ITGB3: variants seen among roughly 807,000 people sequenced by gnomAD.
The protein encoded by ITGB3 is integrin beta-3.
ITGB3 carries 48 observed loss-of-function variants against 85.8 expected under a neutral mutation model. That is an observed-to-expected ratio of 0.56 (90% CI 0.44 to 0.71). ITGB3 has a LOEUF of 0.71. ITGB3 is among the 30% of genes least tolerant of loss of function. The pLI is 0.00. For missense variants in ITGB3, 861 were observed against 1,019.1 expected, an observed-to-expected ratio of 0.84 and a Z score of 2.11; for synonymous variants, 363 against 395.6, an observed-to-expected ratio of 0.92 and a Z score of 0.98.
At position 47,310,105 on chromosome 17, in the gene ITGB3, G is replaced by C. The variant is rs140065193; in HGVS notation, c.2302-34G>C. The C allele has an allele frequency of 6.0e-5, 96 of 1,594,968 alleles. No individual in the cohort carries two copies. In the East Asian group the frequency reaches 2.1e-3, roughly 35 times the overall value. ...TCAGGGTAGGGAAGGACTTAAGGAA[G>C]TCACTGTAAGATGCTATTCTGTTTC... On this transcript the variant is annotated intron_variant, in intron 14 of 14. Transcript: ENST00000559488.
chr17:47,284,972 G>A (rs892542663), intron 4 of ITGB3, among the ~76,000 whole-genome samples: 3 of 152,094 alleles, frequency 2.0e-5, no homozygotes, highest in Non-Finnish European at 2.9e-5. Context: ...AGAATGGGAG[G>A]GAAATGACGT....
At chr17:47,273,997 G>A (rs1398649593) in intron 1 of ITGB3, among the ~76,000 whole-genome samples, 1 of 152,192 alleles carries the variant, frequency 6.6e-6, no homozygotes, top group African/African-American at 2.4e-5. Context: ...TCTGGGCCTT[G>A]GATCCCCTGT....
intron 2 of ITGB3, among the ~76,000 whole-genome samples, chr17:47,277,030 G>C (rs982844005): frequency 6.6e-6 from 1 of 152,104 alleles, no homozygotes; most frequent in South Asian, 2.1e-4. Flanking sequence ...TGTATAGTGA[G>C]AGCTTGGCTG....
chr17:47,299,445 G>T lies in ITGB3; in HGVS notation c.1828G>T (p.Gly610Cys). The change falls in exon 11 of 15, where the codon GGC (glycine) becomes TGC (cysteine). Residue 610 changes from glycine to cysteine, a missense_variant. By Grantham distance (159) the Gly-to-Cys change is radical. Coordinates refer to ENST00000559488, the MANE Select transcript of ITGB3 (RefSeq NM_000212.3). This position sits in a 1 kb window ranked among gnomAD's most constrained non-coding sequence, Gnocchi z 5.1. The stretch of plus-strand genomic sequence containing the variant: ...CAGCGGCCGCGGCAAGTGTGAATGT[G>T]GCAGCTGTGTCTGTATCCAGCCGGG... ...LCSGRGKCEC[G>C]SCVCIQPGSY... The T allele has an allele frequency of 1.2e-6, 2 of 1,614,278 alleles. No individual in the cohort carries two copies. The highest frequency in any genetic ancestry group is 1.7e-6 in the Non-Finnish European group (2 of 1,180,054).
At chr17:47,294,511 C>A (rs1353761217) in intron 10 of ITGB3, among the ~76,000 whole-genome samples, 1 of 152,200 alleles carries the variant, frequency 6.6e-6, no homozygotes. Context: ...CTGCCTCTCA[C>A]CAGTGCAAGA....
At chr17:47,288,213 A>AGAGAGAGG (rs1386050893) in intron 6 of ITGB3, among the ~76,000 whole-genome samples, 4 of 127,218 alleles carry the variant, frequency 3.1e-5, no homozygotes, top group South Asian at 5.8e-4. Context: ...AGAAAGAGAG[A>AGAGAGAGG]GAGAGAGAGA....
In ITGB3 at chr17:47,297,389, G is replaced by A. The variant is rs140635308; in HGVS notation, c.1691-1919G>A. Reference sequence around the variant, plus strand: ...GCGGCTGGGCATGGTGGACCAGCTGGCCGGGCCTGTAGTCACAGCTCTTTC... The same window carrying A: ...GCGGCTGGGCATGGTGGACCAGCTGACCGGGCCTGTAGTCACAGCTCTTTC... On this transcript the variant is annotated intron_variant, in intron 10 of 14. Coordinates refer to ENST00000559488, the MANE Select transcript of ITGB3 (RefSeq NM_000212.3). Among the ~76,000 whole-genome samples the A allele has an allele frequency of 2.6e-3, 399 of 152,270 alleles. 1 individual carries two copies. The highest frequency in any genetic ancestry group is 3.8e-3 in the Non-Finnish European group (260 of 68,010).
chr17:47,300,549 G>C lies in ITGB3; in HGVS notation c.1985G>C (p.Arg662Pro), dbSNP rs369443204. ...HDENTCNRYC[R>P]DEIESVKELK... The stretch of plus-strand genomic sequence containing the variant: ...GAAAATACCTGCAACCGTTACTGCC[G>C]TGACGAGATTGAGTCAGTGAAAGAG... The change falls in exon 12 of 15, where the codon CGT becomes CCT. Residue 662 changes from arginine (R) to proline (P), a missense_variant. Transcript: ENST00000559488. 3.7e-6 allele frequency: 6 copies of C among 1,613,920 alleles called. No individual in the cohort carries two copies. In the Admixed American group the frequency reaches 1.0e-4, roughly 27 times the overall value.
chr17:47,263,468 A>G (rs538285553), intron 1 of ITGB3, among the ~76,000 whole-genome samples: 1 of 125,430 alleles, frequency 8.0e-6, no homozygotes, highest in East Asian at 2.4e-4. Context: ...ATTGCTTGCT[A>G]TTCCCCGCCC....
At chr17:47,290,402 C>A in intron 8 of ITGB3, 128 bp downstream of exon 8, 1 of 823,628 alleles carries the variant, frequency 1.2e-6, no homozygotes, top group Non-Finnish European at 2.1e-6. Flanking sequence ...CCGTGTGCTC[C>A]CAGAGCCCAG....
Position 47,313,069 on chromosome 17 carries a change from G to A in ITGB3, c.*2865G>A, listed in dbSNP as rs192694218. ...GTTCACTGCAATCTCTGCCTCTCAG[G>A]TTCAAGCCATTCTCCTGCCTCAGCC... is the stretch of plus-strand genomic sequence containing the variant. On this transcript the variant is annotated 3_prime_UTR_variant, in exon 15 of 15. Transcript: ENST00000559488. 6.6e-6 allele frequency among the ~76,000 whole-genome samples: 1 copy of A among 152,240 alleles called. No individual in the cohort carries two copies. The highest frequency in any genetic ancestry group is 1.5e-5 in the Non-Finnish European group (1 of 68,014).
Position 47,290,987 on chromosome 17 carries a change from G to A in ITGB3, c.1159G>A (p.Asp387Asn), listed in dbSNP as rs753494130. The change falls in exon 9 of 15, where the codon GAC (aspartate) becomes AAC (asparagine). Residue 387 changes from aspartate (D) to asparagine (N), a missense_variant. Coordinates refer to ENST00000559488, the MANE Select transcript of ITGB3 (RefSeq NM_000212.3). Reference protein sequence around the residue: ...IRSKVELEVRDLPEELSLSFN... With the variant: ...IRSKVELEVRNLPEELSLSFN... ...TTCTAAAGTAGAGCTGGAAGTGCGT[G>A]ACCTCCCTGAAGAGTTGTCTCTATC... 7 of 1,614,072 alleles carry A rather than the reference G, an allele frequency of 4.3e-6. No individual in the cohort carries two copies. The South Asian group carries it at 5.5e-5, about 13-fold the overall frequency.
In ITGB3 at chr17:47,299,533, G is replaced by T. The variant is rs759023754; in HGVS notation, c.1913+3G>T. 6.2e-7 allele frequency: 1 copy of T among 1,613,676 alleles called. No homozygotes were observed. The highest frequency in any genetic ancestry group is 8.5e-7 in the Non-Finnish European group (1 of 1,179,622). Reference sequence around the variant, plus strand: ...CCAGATGCCTGCACCTTTAAGAAGTGAGTGTGGAGTCTGGAGAGAGCCGGG... The same window carrying T: ...CCAGATGCCTGCACCTTTAAGAAGTTAGTGTGGAGTCTGGAGAGAGCCGGG... On this transcript the variant is annotated splice_donor_region_variant and intron_variant, in intron 11 of 14. Coordinates refer to ENST00000559488, the MANE Select transcript of ITGB3 (RefSeq NM_000212.3). The surrounding 1 kb of genome is among the most constrained non-coding windows in gnomAD (Gnocchi z 5.1).
chr17:47,307,474 G>A lies in ITGB3; in HGVS notation c.2138G>A (p.Cys713Tyr). 1 of 1,613,960 alleles carries A rather than the reference G, an allele frequency of 6.2e-7. No individual in the cohort carries two copies. The highest frequency in any genetic ancestry group is 8.5e-7 in the Non-Finnish European group (1 of 1,180,018). ...GCTCTGTGCTTCTTCCTCACAGAGT[G>A]TCCCAAGGGCCCTGACATCCTGGTG... The part of the protein sequence containing the change: ...SILYVVEEPE[C>Y]PKGPDILVVL... The change falls in exon 14 of 15, where the codon TGT becomes TAT. Residue 713 changes from cysteine (C) to tyrosine (Y), a missense_variant. Cys to Tyr is a radical substitution (Grantham distance 194). Coordinates refer to ENST00000559488, the MANE Select transcript of ITGB3 (RefSeq NM_000212.3).
At chr17:47,296,977 G>A (rs1345170852) in intron 10 of ITGB3, among the ~76,000 whole-genome samples, 2 of 152,138 alleles carry the variant, frequency 1.3e-5, no homozygotes, top group Non-Finnish European at 2.9e-5. Context: ...CTCCTAAAAT[G>A]TTCCTTCCTT....
chr17:47,254,143 C>T (rs1401240092), intron 1 of ITGB3, among the ~76,000 whole-genome samples: 1 of 152,136 alleles, frequency 6.6e-6, no homozygotes, highest in Non-Finnish European at 1.5e-5. Flanking sequence ...GTGCCTGGTG[C>T]CTGGGAGCGG....
chr17:47,255,874 T>A (rs2064987705), intron 1 of ITGB3, among the ~76,000 whole-genome samples: 1 of 152,152 alleles, frequency 6.6e-6, no homozygotes. Flanking sequence ...AATAAGAATC[T>A]CCAGCATTCT....
At chr17:47,301,737 A>G (rs2065168088) in intron 12 of ITGB3, among the ~76,000 whole-genome samples, 1 of 152,156 alleles carries the variant, frequency 6.6e-6, no homozygotes, top group Non-Finnish European at 1.5e-5. Context: ...AGTATCTTTC[A>G]TATACATTAT....
chr17:47,289,789 T>C lies in ITGB3; in HGVS notation c.1035+13T>C. 6.2e-7 allele frequency: 1 copy of C among 1,601,370 alleles called. No homozygotes were observed. Among genetic ancestry groups the C allele is most frequent in the Non-Finnish European group, 8.6e-7 (1 of 1,168,394 alleles). On this transcript the variant is annotated intron_variant, in intron 7 of 14. Coordinates refer to ENST00000559488, the MANE Select transcript of ITGB3 (RefSeq NM_000212.3). The stretch of plus-strand genomic sequence containing the variant: ...CAATCTCTATCAGGTGACTGTGCCT[T>C]CGGGCTTCCTGGAGTGGGCCCTGTG...
Sources: allele counts gnomAD v4.1 joint callset (sites outside exome capture counted in the v4.1 genomes callset), GRCh38; gene constraint gnomAD v4.1.1; non-coding constraint Gnocchi (gnomAD v3.1); transcripts MANE v1.5; gene names NCBI Gene and HGNC (gene_info 2026-07-23, HGNC 2026-07-21).